The following RBM19 variants were observed in gnomAD, a reference collection of about 807,000 sequenced individuals.
The protein encoded by RBM19 is RNA binding motif protein 19, also known as probable RNA-binding protein 19.
A neutral mutation model predicts 116.8 loss-of-function variants in RBM19; 94 were observed. The ratio of observed to expected loss-of-function variants is 0.80; its 90% CI spans 0.68 to 0.95. The LOEUF (loss-of-function observed/expected upper bound fraction) is 0.95, where lower values mean the gene tolerates loss of function less well. Ranked by LOEUF, RBM19 falls within the 40% of genes least tolerant of loss-of-function variation. The probability of loss-of-function intolerance (pLI) is 0.00; values close to 1 mark genes in which losing one functional copy is unlikely to be tolerated. For synonymous variants in RBM19, 475 were observed against 494.1 expected, an observed-to-expected ratio of 0.96 and a Z score of 0.51; for missense variants, 1,161 against 1,220.7, an observed-to-expected ratio of 0.95 and a Z score of 0.73.
At chr12:113,940,649 T>G (rs1251193387) in intron 14 of RBM19, among the ~76,000 whole-genome samples, 1 of 152,176 alleles carries the variant, frequency 6.6e-6, no homozygotes, top group African/African-American at 2.4e-5. Context: ...GGCTTTCCCC[T>G]AGGCAGAGCT....
chr12:113,918,481 T>C (rs1882917077), intron 19 of RBM19, 34 bp from the exon 20 acceptor site: 1 of 1,607,822 alleles, frequency 6.2e-7, no homozygotes, highest in Admixed American at 1.7e-5. Flanking sequence ...CATCTCTCTG[T>C]CCCGAGAAAT....
At chr12:113,863,315 T>C (rs1435936140) in intron 21 of RBM19, among the ~76,000 whole-genome samples, 1 of 152,042 alleles carries the variant, frequency 6.6e-6, no homozygotes, top group Non-Finnish European at 1.5e-5. Context: ...GCCCCAGCCC[T>C]GGCCAGCAGC....
chr12:113,961,476 G>A (rs1872492239), intron 2 of RBM19, among the ~76,000 whole-genome samples: 1 of 152,288 alleles, frequency 6.6e-6, no homozygotes, highest in Middle Eastern at 3.4e-3. Flanking sequence ...GGAGAGGAAT[G>A]ATTAGTATTT....
At chr12:113,891,189 AG>A (rs1880940435) in intron 21 of RBM19, among the ~76,000 whole-genome samples, 1 of 152,174 alleles carries the variant, frequency 6.6e-6, no homozygotes, top group Non-Finnish European at 1.5e-5. Context: ...CCCCAGCAAG[AG>A]AAAAGAACCT....
intron 2 of RBM19, 131 bp from the exon 3 acceptor site, chr12:113,960,309 C>T: frequency 8.5e-7 from 1 of 1,170,310 alleles, no homozygotes; most frequent in Non-Finnish European, 1.2e-6. Context: ...AAGTAGATTA[C>T]ACGTCACCCC....
chr12:113,830,148 G>C (rs1243319966), intron 23 of RBM19, among the ~76,000 whole-genome samples: 2 of 152,130 alleles, frequency 1.3e-5, no homozygotes, highest in Non-Finnish European at 2.9e-5. Context: ...CCGCAGAGGG[G>C]GACACTAGCC....
At chr12:113,954,297 C>T (rs918731405) in intron 7 of RBM19, among the ~76,000 whole-genome samples, 4 of 152,106 alleles carry the variant, frequency 2.6e-5, no homozygotes, top group African/African-American at 9.7e-5. Context: ...GTCTCACACA[C>T]ACACACAAAA....
rs542266404 is a variant in RBM19 at position 113,946,318 on chromosome 12, G to C, written c.1529+36C>G. ...GCAGGGTGAGGGTGGCAGAGGGTTGGGGTTGGAGCTCAGTGGTTTCAGGGG... is the reference window on the plus strand; with the variant it reads ...GCAGGGTGAGGGTGGCAGAGGGTTGCGGTTGGAGCTCAGTGGTTTCAGGGG... On this transcript the variant is annotated intron_variant, in intron 12 of 23. Transcript: ENST00000261741. 1.5e-4 allele frequency: 237 copies of C among 1,613,906 alleles called. 4 individuals are homozygous for C. The South Asian group carries it at 2.4e-3, about 17-fold the overall frequency.
At chr12:113,840,602 C>T (rs1046709139) in intron 23 of RBM19, among the ~76,000 whole-genome samples, 2 of 152,222 alleles carry the variant, frequency 1.3e-5, no homozygotes, top group African/African-American at 4.8e-5. Flanking sequence ...GGCCTGTGGC[C>T]GACAGGTGGG....
Position 113,928,661 on chromosome 12 carries a change from G to GTGTGTGTGTC in RBM19, c.2069-1433_2069-1432insGACACACACA, listed in dbSNP as rs1555242499. ...TGTGTGTGTGTGTGTGTGTGTGTGT[G>GTGTGTGTGTC]TCTGCAGCTCAGGGAGTTGGGAACA... On this transcript the variant is annotated intron_variant, in intron 16 of 23. Coordinates refer to ENST00000261741, the MANE Select transcript of RBM19 (RefSeq NM_016196.4). Among the ~76,000 whole-genome samples, 852 of 149,452 alleles carry GTGTGTGTGTC rather than the reference G, an allele frequency of 5.7e-3. 22 individuals carry two copies. Among genetic ancestry groups the GTGTGTGTGTC allele is most frequent in the South Asian group, 0.041 (185 of 4,534 alleles).
chr12:113,900,605 C>A (rs748948392), intron 21 of RBM19, among the ~76,000 whole-genome samples: 1 of 152,164 alleles, frequency 6.6e-6, no homozygotes, highest in Non-Finnish European at 1.5e-5. Flanking sequence ...GAATTCAGGT[C>A]TCCTGACTCC....
At chr12:113,854,899 G>A (rs10850225) in intron 22 of RBM19, among the ~76,000 whole-genome samples, 19,930 of 152,278 alleles carry the variant, frequency 0.13, 1,293 homozygotes, top group African/African-American at 0.14. Flanking sequence ...GGGGCAGTGC[G>A]AGTGTGGTGA....
intron 21 of RBM19, among the ~76,000 whole-genome samples, chr12:113,911,371 T>C (rs1441313046): frequency 6.6e-6 from 1 of 152,064 alleles, no homozygotes; most frequent in Non-Finnish European, 1.5e-5. Flanking sequence ...CAGCCTTCCT[T>C]TACAGAAGAA....
intron 14 of RBM19, 50 bp downstream of exon 14, chr12:113,942,274 C>T (rs1388432300): frequency 6.5e-7 from 1 of 1,530,608 alleles, no homozygotes; most frequent in African/African-American, 1.4e-5. Flanking sequence ...AAAGGCCATT[C>T]TCGACTCTCC....
intron 3 of RBM19, 65 bp downstream of exon 3, chr12:113,959,994 G>A (rs1453523505): frequency 1.9e-6 from 3 of 1,613,748 alleles, no homozygotes; most frequent in Non-Finnish European, 2.5e-6. Flanking sequence ...CCATCTTTGG[G>A]AACCAAAAGT....
intron 8 of RBM19, among the ~76,000 whole-genome samples, chr12:113,951,799 A>T (rs558976754): frequency 1.1e-4 from 17 of 152,348 alleles, no homozygotes; most frequent in African/African-American, 4.1e-4. Flanking sequence ...TTTCTTCCCC[A>T]GATGTCAGCC....
intron 1 of RBM19, among the ~76,000 whole-genome samples, chr12:113,965,172 C>T (rs1872766361): frequency 6.6e-6 from 1 of 151,434 alleles, no homozygotes; most frequent in South Asian, 2.1e-4. Flanking sequence ...ACTTGGGAGG[C>T]TGAGGCAGGA....
intron 23 of RBM19, among the ~76,000 whole-genome samples, chr12:113,840,681 C>T (rs965269915): frequency 2.6e-5 from 4 of 152,186 alleles, no homozygotes; most frequent in African/African-American, 9.7e-5. Flanking sequence ...CTGTTCTGTC[C>T]CCAGCCCCTT....
chr12:113,853,562 C>T (rs1217511376), intron 22 of RBM19, among the ~76,000 whole-genome samples: 2 of 152,234 alleles, frequency 1.3e-5, no homozygotes, highest in African/African-American at 4.8e-5. Flanking sequence ...TGTGGTCTTC[C>T]CCTTCCGTGT....
Sources: gnomAD v4.1 joint callset for allele counts (sites outside exome capture counted in the v4.1 genomes callset) on GRCh38, gnomAD v4.1.1 for gene constraint, MANE v1.5 for transcripts, NCBI Gene and HGNC (gene_info 2026-07-23, HGNC 2026-07-21) for gene names.